Variants in NRG3 observed in about 807,000 individuals in gnomAD.
NRG3 encodes the protein pro-neuregulin-3, membrane-bound isoform.
In NRG3, 31 loss-of-function variants were observed where a neutral mutation model predicts 66.9. That is an observed-to-expected ratio of 0.46 (90% CI 0.35 to 0.63). The LOEUF is 0.63. Among genes scored for constraint, NRG3 ranks in the 20% least tolerant of loss-of-function variants. The pLI is 0.00. For missense variants in NRG3, 910 were observed against 878.9 expected, an observed-to-expected ratio of 1.04 and a Z score of -0.45; for synonymous variants, 393 against 359.4, an observed-to-expected ratio of 1.09 and a Z score of -1.06.
At chr10:82,165,504 T>G (rs1353450384) in intron 1 of NRG3, among the ~76,000 whole-genome samples, 1 of 152,092 alleles carries the variant, frequency 6.6e-6, no homozygotes, top group Admixed American at 6.6e-5. Flanking sequence ...TTTTTCATAC[T>G]TTTCATTAGG....
At chr10:82,277,673 G>A (rs1218796088) in intron 1 of NRG3, among the ~76,000 whole-genome samples, 1 of 151,970 alleles carries the variant, frequency 6.6e-6, no homozygotes, top group Non-Finnish European at 1.5e-5. Context: ...ATTGCTCCGT[G>A]CTGGTCTGCT....
intron 1 of NRG3, among the ~76,000 whole-genome samples, chr10:82,182,351 G>T (rs1285822178): frequency 6.6e-6 from 1 of 151,090 alleles, no homozygotes; most frequent in Non-Finnish European, 1.5e-5. Context: ...CTTCCTTTAT[G>T]TTTCATTGAT....
chr10:81,904,191 G>A (rs1036694583), intron 1 of NRG3, among the ~76,000 whole-genome samples: 1 of 151,650 alleles, frequency 6.6e-6, no homozygotes, highest in East Asian at 1.9e-4. Flanking sequence ...TGTATTTTTA[G>A]TAGAGGTGGG....
chr10:82,842,926 G>C (rs1054454515), intron 3 of NRG3, among the ~76,000 whole-genome samples: 1 of 152,138 alleles, frequency 6.6e-6, no homozygotes, highest in Non-Finnish European at 1.5e-5. Flanking sequence ...CTATGATAAA[G>C]TTAATTTATA....
intron 4 of NRG3, among the ~76,000 whole-genome samples, chr10:82,876,408 A>G (rs1841825715): frequency 6.6e-6 from 1 of 151,774 alleles, no homozygotes; most frequent in Non-Finnish European, 1.5e-5. Flanking sequence ...AGCCATGAGC[A>G]GAGCTTCTAG....
chr10:82,792,585 T>C (rs1166811411), intron 3 of NRG3, among the ~76,000 whole-genome samples: 2 of 152,210 alleles, frequency 1.3e-5, no homozygotes, highest in Non-Finnish European at 2.9e-5. Flanking sequence ...ATTTTAAATA[T>C]TGTCTTCCAG....
chr10:82,026,097 A>G (rs1163989090), intron 1 of NRG3, among the ~76,000 whole-genome samples: 1 of 151,984 alleles, frequency 6.6e-6, no homozygotes, highest in African/African-American at 2.4e-5. Flanking sequence ...CTTATATTGG[A>G]GTCTTTTAGA....
At chr10:82,420,037 T>C (rs2088944149) in intron 2 of NRG3, among the ~76,000 whole-genome samples, 1 of 152,192 alleles carries the variant, frequency 6.6e-6, no homozygotes, top group African/African-American at 2.4e-5. Context: ...TTTCTTCCTT[T>C]ATAAGTAAAT....
intron 1 of NRG3, among the ~76,000 whole-genome samples, chr10:82,254,380 G>T (rs2077616894): frequency 6.6e-6 from 1 of 152,136 alleles, no homozygotes; most frequent in South Asian, 2.1e-4. Context: ...ATACTCCTGA[G>T]AACTATGATC....
intron 2 of NRG3, among the ~76,000 whole-genome samples, chr10:82,525,575 T>C (rs966927598): frequency 7.2e-5 from 11 of 151,960 alleles, no homozygotes; most frequent in Admixed American, 2.0e-4. Flanking sequence ...TTTGTAAAGT[T>C]GTATCTTTAT....
intron 1 of NRG3, among the ~76,000 whole-genome samples, chr10:81,941,418 G>C (rs538452166): frequency 4.6e-5 from 7 of 152,232 alleles, no homozygotes; most frequent in African/African-American, 1.4e-4. Flanking sequence ...GAAGATGGAT[G>C]ATTCTAGGCA....
In NRG3 at chr10:82,356,587, C is replaced by G. The variant is rs144131532; in HGVS notation, c.824-2152C>G. On this transcript the variant is annotated intron_variant, in intron 1 of 8. Transcript: ENST00000372141. ...CAAGATGGAAAATGTGTGTGTTTTG[C>G]AGAGCCTTTATTTTGTGCCAAAGTA... Among the ~76,000 whole-genome samples the G allele has an allele frequency of 5.5e-4, 84 of 152,250 alleles. No individual in the cohort carries two copies. The East Asian group carries it at 0.016, about 29-fold the overall frequency.
intron 1 of NRG3, among the ~76,000 whole-genome samples, chr10:82,237,240 T>C (rs776947801): frequency 3.3e-5 from 5 of 152,146 alleles, no homozygotes; most frequent in Non-Finnish European, 4.4e-5. Context: ...AATTATTTTC[T>C]GCCTCAGCAC....
At chr10:82,018,773 G>A (rs4469831) in intron 1 of NRG3, among the ~76,000 whole-genome samples, 3 of 142,482 alleles carry the variant, frequency 2.1e-5, no homozygotes, top group African/African-American at 7.5e-5. Context: ...TGTGATTTTT[G>A]CACATTGATT....
At chr10:81,987,437 G>A (rs2060570153) in intron 1 of NRG3, among the ~76,000 whole-genome samples, 1 of 152,046 alleles carries the variant, frequency 6.6e-6, no homozygotes, top group Non-Finnish European at 1.5e-5. Flanking sequence ...TTTTTGACAC[G>A]ATATCCCATT....
intron 1 of NRG3, among the ~76,000 whole-genome samples, chr10:81,939,160 G>T (rs1334192198): frequency 1.3e-5 from 2 of 151,870 alleles, no homozygotes; most frequent in Non-Finnish European, 2.9e-5. Flanking sequence ...AATTCAGTTT[G>T]CTAGTATTTT....
chr10:82,673,763 G>A (rs1286258294), intron 2 of NRG3, among the ~76,000 whole-genome samples: 1 of 152,202 alleles, frequency 6.6e-6, no homozygotes, highest in East Asian at 1.9e-4. Flanking sequence ...CGGGATCCAT[G>A]TGAAGATACC....
intron 1 of NRG3, among the ~76,000 whole-genome samples, chr10:82,254,247 C>T (rs551197332): frequency 6.6e-6 from 1 of 152,162 alleles, no homozygotes; most frequent in South Asian, 2.1e-4. Flanking sequence ...GGATCTAGTA[C>T]AGTGAAACTT....
At chr10:82,046,224 T>C (rs2063288036) in intron 1 of NRG3, among the ~76,000 whole-genome samples, 1 of 143,796 alleles carries the variant, frequency 7.0e-6, no homozygotes, top group African/African-American at 2.6e-5. Context: ...TCCATTTCTT[T>C]GTATCCTCTT....
Sources: allele counts gnomAD v4.1 joint callset (sites outside exome capture counted in the v4.1 genomes callset), GRCh38; gene constraint gnomAD v4.1.1; transcripts MANE v1.5; gene names NCBI Gene and HGNC (gene_info 2026-07-23, HGNC 2026-07-21).